PTDSS1: variants seen among roughly 807,000 people sequenced by gnomAD.
PTDSS1 encodes the protein PSS-1.
A neutral mutation model predicts 70.5 loss-of-function variants in PTDSS1; 45 were observed. The observed-to-expected ratio is 0.64, with a 90% CI of 0.50 to 0.82. The LOEUF is 0.82. Ranked by LOEUF, PTDSS1 falls within the 40% of genes least tolerant of loss-of-function variation. The probability of loss-of-function intolerance (pLI) is 0.00; values close to 1 mark genes in which losing one functional copy is unlikely to be tolerated. For synonymous variants in PTDSS1, 188 were observed against 203.8 expected (o/e 0.92, Z 0.66); for missense variants, 417 against 586.1 (o/e 0.71, Z 2.98).
chr8:96,288,786 C>T (rs1406669288), intron 4 of PTDSS1, among the ~76,000 whole-genome samples: 2 of 151,840 alleles, frequency 1.3e-5, no homozygotes, highest in African/African-American at 4.8e-5. Flanking sequence ...TGCACCATCA[C>T]ACTCGGCTAA....
chr8:96,303,128 CTCTT>C (rs1475994006), intron 6 of PTDSS1, among the ~76,000 whole-genome samples: 9 of 152,344 alleles, frequency 5.9e-5, no homozygotes, highest in African/African-American at 1.9e-4. Context: ...CGCTGCATCT[CTCTT>C]TATTCCCATT....
intron 1 of PTDSS1, among the ~76,000 whole-genome samples, chr8:96,263,110 A>T (rs553472440): frequency 2.2e-4 from 34 of 152,320 alleles, no homozygotes; most frequent in South Asian, 4.1e-4. Flanking sequence ...ACAGCATAAC[A>T]CAACTCTCTT....
intron 10 of PTDSS1, among the ~76,000 whole-genome samples, chr8:96,321,327 C>T (rs1563583467): frequency 6.6e-6 from 1 of 152,204 alleles, no homozygotes; most frequent in Non-Finnish European, 1.5e-5. Context: ...AAAGAATTAA[C>T]AGTAATTCCT....
Position 96,306,497 on chromosome 8 carries a change from T to G in PTDSS1, c.948T>G (p.Ser316Arg). ...FLKHIFVFQA[S>R]HPLSWGRILF... ...AGCATATCTTTGTGTTCCAAGCCAGTCATCCATTAAGTTGGGGTAGAATTC... is the reference window on the plus strand; with the variant it reads ...AGCATATCTTTGTGTTCCAAGCCAGGCATCCATTAAGTTGGGGTAGAATTC... Residue 316 changes from serine (S) to arginine (R), a missense_variant, in exon 8 of 13, where the codon AGT becomes AGG. Transcript: ENST00000517309. 1 of 1,614,176 alleles carries G rather than the reference T, an allele frequency of 6.2e-7. No homozygotes were observed.
intron 2 of PTDSS1, among the ~76,000 whole-genome samples, chr8:96,276,951 C>T (rs956362314): frequency 4.0e-5 from 6 of 150,078 alleles, no homozygotes; most frequent in African/African-American, 9.9e-5. Flanking sequence ...TTCTTCTCCT[C>T]CCGGGCACAT....
intron 5 of PTDSS1, among the ~76,000 whole-genome samples, chr8:96,298,774 G>A (rs1811010740): frequency 6.6e-6 from 1 of 152,084 alleles, no homozygotes; most frequent in Non-Finnish European, 1.5e-5. Flanking sequence ...CTGGTTATCT[G>A]GATAAACATC....
chr8:96,281,622 C>G (rs974007085), intron 2 of PTDSS1, among the ~76,000 whole-genome samples: 4 of 152,154 alleles, frequency 2.6e-5, no homozygotes, highest in African/African-American at 9.7e-5. Flanking sequence ...TGCATCGGCT[C>G]TAAACACTCC....
At chr8:96,310,940 A>G (rs752044047) in intron 9 of PTDSS1, among the ~76,000 whole-genome samples, 3 of 151,866 alleles carry the variant, frequency 2.0e-5, no homozygotes, top group Admixed American at 6.6e-5. Context: ...TAATTTTTGT[A>G]TTTTTAGTAG....
chr8:96,266,402 A>C (rs1054928439), intron 1 of PTDSS1, among the ~76,000 whole-genome samples: 29 of 152,226 alleles, frequency 1.9e-4, no homozygotes, highest in Admixed American at 1.8e-3. Flanking sequence ...ATTTGTTAAT[A>C]ATGGTTTTTA....
intron 4 of PTDSS1, among the ~76,000 whole-genome samples, chr8:96,290,981 C>T (rs1049102238): frequency 6.0e-5 from 9 of 149,736 alleles, no homozygotes; most frequent in African/African-American, 1.7e-4. Flanking sequence ...ACTGAAATCC[C>T]GTTAGAGGCA....
chr8:96,329,926 A>T (rs534259313), intron 10 of PTDSS1, among the ~76,000 whole-genome samples: 1 of 152,342 alleles, frequency 6.6e-6, no homozygotes, highest in East Asian at 1.9e-4. Flanking sequence ...CCGCAAAGCT[A>T]TCAAGAAAAT....
At chr8:96,277,891 G>A (rs961196913) in intron 2 of PTDSS1, among the ~76,000 whole-genome samples, 1 of 152,214 alleles carries the variant, frequency 6.6e-6, no homozygotes, top group South Asian at 2.1e-4. Context: ...GATAGAAAAC[G>A]CATTTCAAAA....
intron 6 of PTDSS1, among the ~76,000 whole-genome samples, chr8:96,300,414 C>T (rs935352467): frequency 2.6e-5 from 4 of 152,158 alleles, no homozygotes; most frequent in African/African-American, 7.2e-5. Context: ...ACCCATAGGC[C>T]AGCCTGATCA....
intron 9 of PTDSS1, 131 bp from the exon 10 acceptor site, chr8:96,320,115 C>T: frequency 1.4e-6 from 1 of 732,240 alleles, no homozygotes; most frequent in African/African-American, 1.8e-5. Context: ...TTGTGGGGTA[C>T]CTGCTACCAG....
chr8:96,310,161 A>ATC (rs894064903), intron 9 of PTDSS1, among the ~76,000 whole-genome samples: 5 of 142,486 alleles, frequency 3.5e-5, no homozygotes, highest in African/African-American at 8.1e-5. Context: ...AAAGAAATGG[A>ATC]TCTCTCTCTT....
At position 96,299,677 on chromosome 8, in the gene PTDSS1, G is replaced by T. The variant is rs746035975; in HGVS notation, c.601-17G>T. ...GTTTTGTTTATTTTTCCAACCATGG[G>T]CTCTTGTGTTTCTCAGCTCTTCTTC... is the stretch of plus-strand genomic sequence containing the variant. On this transcript the variant is annotated splice_polypyrimidine_tract_variant and intron_variant, in intron 5 of 12. Coordinates refer to ENST00000517309, the MANE Select transcript of PTDSS1 (RefSeq NM_014754.3). 6.3e-7 allele frequency: 1 copy of T among 1,593,218 alleles called. No homozygotes were observed. The highest frequency in any genetic ancestry group is 1.2e-5 in the South Asian group (1 of 86,618).
intron 10 of PTDSS1, among the ~76,000 whole-genome samples, chr8:96,329,162 A>T (rs11784595): frequency 6.6e-6 from 1 of 152,002 alleles, no homozygotes; most frequent in South Asian, 2.1e-4. Flanking sequence ...AGTTGGTGCA[A>T]GATGAGAGGG....
chr8:96,327,802 C>T (rs992624035), intron 10 of PTDSS1, among the ~76,000 whole-genome samples: 1 of 152,202 alleles, frequency 6.6e-6, no homozygotes, highest in Non-Finnish European at 1.5e-5. Flanking sequence ...TGGTCCTGGA[C>T]AGCCTGGCTC....
At chr8:96,309,485 A>G (rs1811175009) in intron 8 of PTDSS1, 72 bp from the exon 9 acceptor site, 2 of 1,421,582 alleles carry the variant, frequency 1.4e-6, no homozygotes, top group African/African-American at 1.4e-5. Flanking sequence ...TACTTTGTCA[A>G]AGTGATTTAA....
Sources: allele counts gnomAD v4.1 joint callset (sites outside exome capture counted in the v4.1 genomes callset), GRCh38; gene constraint gnomAD v4.1.1; transcripts MANE v1.5; gene names NCBI Gene and HGNC (gene_info 2026-07-23, HGNC 2026-07-21).